The following ODR4 variants were observed in gnomAD, a reference collection of about 807,000 sequenced individuals.
The protein encoded by ODR4 is odr-4 GPCR localization factor homolog, also known as protein odr-4 homolog.
ODR4 carries 47 observed loss-of-function variants against 60.2 expected under a neutral mutation model. That is an observed-to-expected ratio of 0.78 (90% CI 0.62 to 1.00). The LOEUF (loss-of-function observed/expected upper bound fraction) is 1.00. ODR4 is among the 50% of genes least tolerant of loss of function. The pLI, the probability that ODR4 is intolerant of heterozygous loss-of-function variation, is 0.00. For synonymous variants in ODR4, 178 were observed against 175.5 expected (o/e 1.01, Z -0.11); for missense variants, 488 against 530.8 (o/e 0.92, Z 0.79).
At chr1:186,400,937 G>T in intron 11 of ODR4, 5 of 1,090,058 alleles carry the variant, frequency 4.6e-6, no homozygotes, top group Non-Finnish European at 4.0e-6. Context: ...CTTTGTTTTT[G>T]CAATTTGACT....
At position 186,383,165 on chromosome 1, in the gene ODR4, A is replaced by AT. The variant is rs770226934; in HGVS notation, c.234+16dup. The AT allele has an allele frequency of 1.3e-6, 2 of 1,540,776 alleles. No homozygotes were observed. The highest frequency in any genetic ancestry group is 1.7e-6 in the Non-Finnish European group (2 of 1,144,534). ...CAGAACATGCCTGCCAGGTTATCTTATTTTTTTGTTTATATGTTTAAGTTT... is the reference window on the plus strand; with the variant it reads ...CAGAACATGCCTGCCAGGTTATCTTATTTTTTTTGTTTATATGTTTAAGTTT... On this transcript the variant is annotated intron_variant, in intron 3 of 13. Coordinates refer to ENST00000287859, the MANE Select transcript of ODR4 (RefSeq NM_017847.6).
intron 9 of ODR4, among the ~76,000 whole-genome samples, chr1:186,396,837 T>A (rs1660701218): frequency 6.6e-6 from 1 of 152,054 alleles, no homozygotes. Context: ...ATATAAATTA[T>A]ATGTTAAATA....
chr1:186,378,359 T>C (rs932775949), intron 1 of ODR4, among the ~76,000 whole-genome samples: 1 of 152,218 alleles, frequency 6.6e-6, no homozygotes, highest in East Asian at 1.9e-4. Flanking sequence ...TCCTGCAGTC[T>C]CTGTTTGTTT....
At chr1:186,391,984 A>G (rs1156906407) in intron 8 of ODR4, among the ~76,000 whole-genome samples, 193 bp downstream of exon 8, 1 of 152,246 alleles carries the variant, frequency 6.6e-6, no homozygotes, top group Non-Finnish European at 1.5e-5. Context: ...GGATATGAAC[A>G]GACACTTTTC....
chr1:186,383,756 T>TA (rs35781318), intron 3 of ODR4, among the ~76,000 whole-genome samples: 43,070 of 148,568 alleles, frequency 0.29, 6,707 homozygotes, highest in Admixed American at 0.38. Context: ...TAGTTATATT[T>TA]AAAAAAAAAA....
intron 13 of ODR4, 50 bp downstream of exon 13, chr1:186,417,704 G>T (rs918412507): frequency 2.0e-6 from 2 of 983,544 alleles, no homozygotes; most frequent in Non-Finnish European, 3.1e-6. Flanking sequence ...TTAGATTTGA[G>T]TTTTCTTGTT....
intron 5 of ODR4, 59 bp downstream of exon 5, chr1:186,388,607 A>C: frequency 2.0e-6 from 2 of 984,430 alleles, no homozygotes; most frequent in Non-Finnish European, 2.9e-6. Context: ...TATTCTTGCA[A>C]GGTTTTTTTG....
chr1:186,411,477 A>T (rs1171371545), intron 12 of ODR4, among the ~76,000 whole-genome samples: 1 of 152,136 alleles, frequency 6.6e-6, no homozygotes, highest in Non-Finnish European at 1.5e-5. Context: ...AAAACAATAT[A>T]CTTTATCCAT....
chr1:186,390,096 A>G (rs531203861), intron 6 of ODR4, among the ~76,000 whole-genome samples: 1 of 152,234 alleles, frequency 6.6e-6, no homozygotes, highest in South Asian at 2.1e-4. Flanking sequence ...TTGAGCCACC[A>G]CGGCCAGCCA....
At chr1:186,382,681 T>C (rs900477811) in intron 2 of ODR4, among the ~76,000 whole-genome samples, 6 of 152,220 alleles carry the variant, frequency 3.9e-5, no homozygotes, top group Admixed American at 3.9e-4. Context: ...ACTAGAAAAC[T>C]GAATAAGCAT....
rs933925090 is a variant in ODR4, at chr1:186,419,191, A to G, written c.*115A>G. The G allele has an allele frequency of 1.1e-6, 1 of 880,772 alleles. No individual in the cohort carries two copies. Among genetic ancestry groups the G allele is most frequent in the Admixed American group, 2.1e-5 (1 of 48,614 alleles). The allele number at this position is 880,772 out of a possible 1,614,324, so 54.6% of individuals were successfully genotyped here. A position where few individuals can be genotyped will look rare whatever the true frequency, so the allele number is the denominator to read the frequency against. ...AACACTAGCAGCCAGATCTGCTGCC[A>G]TGATGCCTATTTGGTGTGTTTCTGA... On this transcript the variant is annotated 3_prime_UTR_variant, in exon 14 of 14. Coordinates refer to ENST00000287859, the MANE Select transcript of ODR4 (RefSeq NM_017847.6).
downstream of ODR4, among the ~76,000 whole-genome samples, chr1:186,425,941 G>C (rs1661873748): frequency 6.6e-6 from 1 of 152,144 alleles, no homozygotes; most frequent in African/African-American, 2.4e-5. Context: ...CTCTTCTCCT[G>C]TTTGATGATA....
chr1:186,426,121 ATCT>A (rs2102111827), downstream of ODR4, among the ~76,000 whole-genome samples: 1 of 152,182 alleles, frequency 6.6e-6, no homozygotes, highest in East Asian at 1.9e-4. Flanking sequence ...TTTCTCATTG[ATCT>A]TCTAGCCACC....
In ODR4 at chr1:186,378,469, A is replaced by G. The variant is rs116748120; in HGVS notation, c.-19-1298A>G. ...TTATATTGCCTAGCTCTTTTATTCAATATCTTTGGTTTTAAGCTATAGAAA... is the reference window on the plus strand; with the variant it reads ...TTATATTGCCTAGCTCTTTTATTCAGTATCTTTGGTTTTAAGCTATAGAAA... On this transcript the variant is annotated intron_variant, in intron 1 of 13. Transcript: ENST00000287859. 1.7e-3 allele frequency among the ~76,000 whole-genome samples: 258 copies of G among 152,306 alleles called. 1 individual carries two copies. Among genetic ancestry groups the G allele is most frequent in the African/African-American group, 5.7e-3 (239 of 41,574 alleles).
chr1:186,384,572 G>GACAC (rs368870659), intron 3 of ODR4, among the ~76,000 whole-genome samples: 2,917 of 129,548 alleles, frequency 0.023, 41 homozygotes, highest in African/African-American at 0.037. Context: ...AATTGTATAT[G>GACAC]ACACACACAC....
intron 2 of ODR4, 114 bp downstream of exon 2, chr1:186,379,998 G>C (rs1416680256): frequency 3.5e-6 from 2 of 574,494 alleles, no homozygotes; most frequent in Non-Finnish European, 5.6e-6. Flanking sequence ...CTCAAGATTG[G>C]GGGATGGAAG....
At position 186,394,008 on chromosome 1, in the gene ODR4, C is replaced by T. The variant is rs377631344; in HGVS notation, c.773C>T (p.Thr258Met). ...CATTCTTTTGATGTCAGAGTGCTAA[C>T]GCAGTTGGTAAATATTTTAAAATAA... The part of the protein sequence containing the change: ...TSHSFDVRVL[T>M]QLLLNSDHRS... Residue 258 changes from threonine (T) to methionine (M), a missense_variant, in exon 9 of 14, where the codon ACG becomes ATG. Thr to Met is a moderately conservative substitution (Grantham distance 81, BLOSUM62 -1). Coordinates refer to ENST00000287859, the MANE Select transcript of ODR4 (RefSeq NM_017847.6). The T allele has an allele frequency of 2.0e-5, 29 of 1,452,406 alleles. No homozygotes were observed. Among genetic ancestry groups the T allele is most frequent in the South Asian group, 7.5e-5 (6 of 80,208 alleles). The allele number at this position is 1,452,406 out of a possible 1,614,324, so 90.0% of individuals were successfully genotyped here. A position where few individuals can be genotyped will look rare whatever the true frequency, so the allele number is the denominator to read the frequency against.
rs1660815793 is a variant in ODR4 at position 186,399,109 on chromosome 1, T to C, written c.1000+65T>C. 8.2e-6 allele frequency: 8 copies of C among 976,832 alleles called. No homozygotes were observed. In the South Asian group the frequency reaches 9.7e-5, roughly 12 times the overall value. The allele number at this position is 976,832 out of a possible 1,614,324, so 60.5% of individuals were successfully genotyped here. The stretch of plus-strand genomic sequence containing the variant: ...CTGATATAGTAATAAGATATCAAGA[T>C]ATAGCAGATACGTCATCTTTTATAG... On this transcript the variant is annotated intron_variant, in intron 11 of 13. Coordinates refer to ENST00000287859, the MANE Select transcript of ODR4 (RefSeq NM_017847.6).
intron 9 of ODR4, 50 bp from the exon 10 acceptor site, chr1:186,398,263 G>T: frequency 6.8e-7 from 1 of 1,477,294 alleles, no homozygotes; most frequent in East Asian, 2.5e-5. Flanking sequence ...AATATTTCCT[G>T]TAGTTAATCA....
Sources: allele counts gnomAD v4.1 joint callset (sites outside exome capture counted in the v4.1 genomes callset), GRCh38; gene constraint gnomAD v4.1.1; transcripts MANE v1.5; gene names NCBI Gene and HGNC (gene_info 2026-07-23, HGNC 2026-07-21).